The following MIR2052HG variants were observed in gnomAD, a reference collection of about 807,000 sequenced individuals.
MIR2052HG encodes the protein MIR2052 host gene.
intron 5 of MIR2052HG, chr8:74,757,799 T>C (rs1425322384): frequency 3.3e-5 from 5 of 152,156 alleles, no homozygotes; most frequent in Admixed American, 3.3e-4. Flanking sequence ...TTATTTCTGC[T>C]TGTTGATTCT....
At chr8:74,622,123 G>A (rs1808370450) in intron 2 of MIR2052HG, among the ~76,000 whole-genome samples, 1 of 152,178 alleles carries the variant, frequency 6.6e-6, no homozygotes, top group Non-Finnish European at 1.5e-5. Flanking sequence ...ATGACCTATG[G>A]AATGGGAAGA....
At chr8:74,619,449 C>T (rs1808331055) in intron 2 of MIR2052HG, among the ~76,000 whole-genome samples, 1 of 152,148 alleles carries the variant, frequency 6.6e-6, no homozygotes, top group African/African-American at 2.4e-5. Context: ...TCTATTCACA[C>T]ACTGCTATGA....
At chr8:74,653,957 G>C (rs1262904146) in intron 2 of MIR2052HG, among the ~76,000 whole-genome samples, 7 of 152,072 alleles carry the variant, frequency 4.6e-5, no homozygotes, top group Admixed American at 3.9e-4. Context: ...AGTTATATTT[G>C]AGCTCTGCTT....
intron 4 of MIR2052HG, chr8:74,752,300 AAAG>A: frequency 3.2e-6 from 1 of 307,888 alleles, no homozygotes; most frequent in Non-Finnish European, 6.3e-6. Flanking sequence ...AAAAAAAAAA[AAAG>A]TATAGGATTT....
At chr8:74,758,229 A>T (rs1563548135) in intron 6 of MIR2052HG, 1 of 152,046 alleles carries the variant, frequency 6.6e-6, no homozygotes, top group Non-Finnish European at 1.5e-5. Flanking sequence ...ATACTCTAAT[A>T]TCTTAAAATT....
Position 74,608,213 on chromosome 8 carries a change from A to T in MIR2052HG, n.129-4640A>T, listed in dbSNP as rs1162048741. On this transcript the variant is annotated intron_variant and non_coding_transcript_variant, in intron 1 of 6. Transcript: ENST00000523442. ...GAGTTCTGCTCTAGAGCTTCTAAGC[A>T]CATAATTAGATGAACTTGCCCTATA... Among the ~76,000 whole-genome samples, 677 of 152,310 alleles carry T rather than the reference A, an allele frequency of 4.4e-3. 3 individuals are homozygous for T. The highest frequency in any genetic ancestry group is 0.016 in the African/African-American group (656 of 41,578).
chr8:74,748,573 A>G (rs976456533), intron 4 of MIR2052HG, among the ~76,000 whole-genome samples: 2 of 152,192 alleles, frequency 1.3e-5, no homozygotes, highest in African/African-American at 4.8e-5. Flanking sequence ...TTTGGATTCT[A>G]AGAACCATAT....
At chr8:74,651,669 A>G (rs1218162836) in intron 2 of MIR2052HG, among the ~76,000 whole-genome samples, 1 of 152,180 alleles carries the variant, frequency 6.6e-6, no homozygotes, top group Non-Finnish European at 1.5e-5. Context: ...GGAGCTTAGT[A>G]TTCTTGGCCA....
chr8:74,624,714 C>T (rs1034641630), intron 2 of MIR2052HG, among the ~76,000 whole-genome samples: 1 of 152,164 alleles, frequency 6.6e-6, no homozygotes. Context: ...ATTTTCAGGC[C>T]TCCTGGCACT....
At chr8:74,679,797 C>T (rs886471800) in intron 2 of MIR2052HG, among the ~76,000 whole-genome samples, 2 of 152,116 alleles carry the variant, frequency 1.3e-5, no homozygotes, top group African/African-American at 4.8e-5. Context: ...CCATCTTGGC[C>T]TCCCAAAGTG....
chr8:74,683,414 A>T (rs1216863983), intron 2 of MIR2052HG, among the ~76,000 whole-genome samples: 2 of 152,140 alleles, frequency 1.3e-5, no homozygotes, highest in South Asian at 2.1e-4. Context: ...TGTAAACTAT[A>T]TAATACAGAT....
At chr8:74,679,663 C>T (rs979905198) in intron 2 of MIR2052HG, among the ~76,000 whole-genome samples, 1 of 151,820 alleles carries the variant, frequency 6.6e-6, no homozygotes, top group South Asian at 2.1e-4. Context: ...GCTGGGATTA[C>T]ACTCATCTGC....
chr8:74,655,833 C>T (rs974146060), intron 2 of MIR2052HG, among the ~76,000 whole-genome samples: 4 of 152,108 alleles, frequency 2.6e-5, no homozygotes, highest in Non-Finnish European at 5.9e-5. Context: ...CAGCTTGCAC[C>T]GTGCACCTGG....
intron 2 of MIR2052HG, among the ~76,000 whole-genome samples, chr8:74,628,459 A>T (rs189242994): frequency 6.6e-6 from 1 of 152,312 alleles, no homozygotes; most frequent in Admixed American, 6.5e-5. Flanking sequence ...AAGCCGATAG[A>T]TGTGGAAGGT....
intron 4 of MIR2052HG, among the ~76,000 whole-genome samples, chr8:74,746,607 TC>T (rs1291171869): frequency 0.056 from 5 of 90 alleles, no homozygotes; most frequent in Non-Finnish European, 0.093. Flanking sequence ...TGTCAAAGAG[TC>T]GAGGAGGGAG....
At chr8:74,730,995 A>G (rs1457213948) in intron 4 of MIR2052HG, among the ~76,000 whole-genome samples, 1 of 152,200 alleles carries the variant, frequency 6.6e-6, no homozygotes, top group Non-Finnish European at 1.5e-5. Flanking sequence ...GTGGGAACTT[A>G]TGACTACCCA....
At chr8:74,702,713 A>G (rs1031604662) in intron 3 of MIR2052HG, among the ~76,000 whole-genome samples, 5 of 152,148 alleles carry the variant, frequency 3.3e-5, no homozygotes, top group African/African-American at 9.7e-5. Flanking sequence ...AAGGAAGAGC[A>G]CTACATTAGA....
chr8:74,707,871 A>T (rs1341572501), intron 4 of MIR2052HG, among the ~76,000 whole-genome samples: 4 of 152,096 alleles, frequency 2.6e-5, no homozygotes, highest in Non-Finnish European at 5.9e-5. Context: ...TAATTAAGGG[A>T]TCCACGTAGT....
At chr8:74,615,612 C>CTT (rs562592157) in intron 2 of MIR2052HG, among the ~76,000 whole-genome samples, 1 of 147,056 alleles carries the variant, frequency 6.8e-6, no homozygotes, top group Non-Finnish European at 1.5e-5. Context: ...TTCTCATCTT[C>CTT]TTTTTTTTTT....
Sources: allele counts gnomAD v4.1 joint callset (sites outside exome capture counted in the v4.1 genomes callset), GRCh38; gene constraint gnomAD v4.1.1; transcripts MANE v1.5; gene names NCBI Gene and HGNC (gene_info 2026-07-23, HGNC 2026-07-21).